IRF4: variants seen among roughly 807,000 people sequenced by gnomAD.
The protein encoded by IRF4 is lymphocyte-specific interferon regulatory factor.
In IRF4, 13 loss-of-function variants were observed where a neutral mutation model predicts 55.5. The ratio of observed to expected loss-of-function variants is 0.23; its 90% CI spans 0.15 to 0.37. The LOEUF (loss-of-function observed/expected upper bound fraction) is 0.37. Ranked by LOEUF, IRF4 falls within the 10% of genes least tolerant of loss-of-function variation. IRF4 has a pLI of 1.00. For missense variants in IRF4, 397 were observed against 593.8 expected (o/e 0.67, Z 3.44); for synonymous variants, 249 against 240.7 (o/e 1.03, Z -0.32).
chr6:406,878 A>T, intron 8 of IRF4: 9 of 1,067,742 alleles, frequency 8.4e-6, no homozygotes, highest in Non-Finnish European at 1.0e-5. Flanking sequence ...AAAGCTGAAC[A>T]TTAAGGCGTT....
At chr6:404,652 C>T (rs539448722) in intron 7 of IRF4, among the ~76,000 whole-genome samples, 2 of 152,352 alleles carry the variant, frequency 1.3e-5, no homozygotes, top group African/African-American at 4.8e-5. Context: ...TTGTCCATGG[C>T]ATAAATTGGT....
chr6:392,964 C>G, intron 1 of IRF4, 134 bp from the exon 2 acceptor site: 1 of 526,394 alleles, frequency 1.9e-6, no homozygotes, highest in South Asian at 3.0e-5. Flanking sequence ...GGGGCCCGGA[C>G]GACCCTGACA....
Position 393,136 on chromosome 6 carries a change from C to A in IRF4, c.-17C>A. ...GGGCGGAGGACCCCGGGCGCGGGCGCGGACGGCACGCGGGGCATGAACCTG... is the reference window on the plus strand; with the variant it reads ...GGGCGGAGGACCCCGGGCGCGGGCGAGGACGGCACGCGGGGCATGAACCTG... On this transcript the variant is annotated 5_prime_UTR_variant, in exon 2 of 9. Transcript: ENST00000380956. This position sits in a 1 kb window ranked among gnomAD's most constrained non-coding sequence, Gnocchi z 5.4. The A allele has an allele frequency of 6.5e-7, 1 of 1,545,802 alleles. No individual in the cohort carries two copies. The highest frequency in any genetic ancestry group is 1.2e-5 in the South Asian group (1 of 83,674).
chr6:394,791 C>T (rs768584121), intron 2 of IRF4, 30 bp from the exon 3 acceptor site: 151 of 1,594,814 alleles, frequency 9.5e-5, no homozygotes, highest in Admixed American at 1.2e-4. Context: ...TGTATTTTGA[C>T]TTTTCGTTCT....
At chr6:394,721 C>T in intron 2 of IRF4, 100 bp from the exon 3 acceptor site, 1 of 1,162,616 alleles carries the variant, frequency 8.6e-7, no homozygotes, top group Non-Finnish European at 1.2e-6. Context: ...TGCCACTGTA[C>T]TCTAGCCTGG....
chr6:397,036 C>A, intron 4 of IRF4, 72 bp from the exon 5 acceptor site: 2 of 1,488,824 alleles, frequency 1.3e-6, no homozygotes, highest in South Asian at 1.3e-5. Context: ...CCTATCTCAG[C>A]CTCTCCTGCA....
At chr6:402,904 C>T (rs927193966) in intron 7 of IRF4, among the ~76,000 whole-genome samples, 5 of 152,170 alleles carry the variant, frequency 3.3e-5, no homozygotes, top group Non-Finnish European at 7.4e-5. Flanking sequence ...TGATGGTGGG[C>T]GCCTGTAATC....
intron 5 of IRF4, among the ~76,000 whole-genome samples, chr6:397,973 T>A (rs1761309090): frequency 6.6e-6 from 1 of 152,210 alleles, no homozygotes; most frequent in Non-Finnish European, 1.5e-5. Context: ...AATTTGGCCT[T>A]TTTTTCCCCA....
intron 7 of IRF4, 151 bp downstream of exon 7, chr6:401,928 A>T (rs1761413426): frequency 7.8e-6 from 5 of 641,790 alleles, no homozygotes; most frequent in African/African-American, 1.8e-5. Flanking sequence ...TCCAGTAGAG[A>T]TCTTCTGTCT....
intron 6 of IRF4, among the ~76,000 whole-genome samples, 175 bp downstream of exon 6, chr6:399,110 A>G (rs370443703): frequency 2.0e-4 from 31 of 152,220 alleles, no homozygotes; most frequent in African/African-American, 7.0e-4. Context: ...TAGGAGCACC[A>G]TTAGAAAACC....
Position 397,526 on chromosome 6 carries a change from C to G in IRF4, c.637+274C>G, listed in dbSNP as rs778038696. The G allele has an allele frequency of 2.6e-5, 10 of 382,472 alleles. No individual in the cohort carries two copies. The East Asian group carries it at 3.0e-4, about 11-fold the overall frequency. The allele number at this position is 382,472 out of a possible 1,614,324, so 23.7% of individuals were successfully genotyped here. ...CTCCAGGCAGTGGAAAACAGCCCCC[C>G]ACTTTTTATATAGAGAGGAGATTGT... On this transcript the variant is annotated intron_variant, in intron 5 of 8. Transcript: ENST00000380956.
At chr6:401,006 G>T (rs527796726) in intron 6 of IRF4, among the ~76,000 whole-genome samples, 1 of 152,262 alleles carries the variant, frequency 6.6e-6, no homozygotes, top group East Asian at 1.9e-4. Context: ...TGACTTAAAT[G>T]ACATCACCAC....
At position 407,523 on chromosome 6, in the gene IRF4, C is replaced by G; in HGVS notation, c.1281C>G (p.Gly427=). 6.2e-7 allele frequency: 1 copy of G among 1,612,840 alleles called. No homozygotes were observed. The highest frequency in any genetic ancestry group is 1.1e-5 in the South Asian group (1 of 90,900). Residue 427 remains glycine (G), a synonymous_variant, in exon 9 of 9, where the codon GGC becomes GGG. Transcript: ENST00000380956. ...AQQNSGHFLR[G]YDLPEHISNP... ...AAAACAGTGGACATTTCCTGAGGGG[C>G]TACGATTTACCAGAACACATCAGCA...
chr6:392,318 C>A (rs1372899510), intron 1 of IRF4, among the ~76,000 whole-genome samples: 2 of 152,244 alleles, frequency 1.3e-5, no homozygotes, highest in Non-Finnish European at 2.9e-5. Flanking sequence ...TCGCTCCGAG[C>A]CTTGCGTGCG....
rs1761644627 is a variant in IRF4, at chr6:409,783, A to G, written c.*2185A>G. On this transcript the variant is annotated 3_prime_UTR_variant, in exon 9 of 9. Transcript: ENST00000380956. ...TGAAGAATATTTAACCCCACACAGC[A>G]CTTCAAAGAAGCTGTCTTGGAAGTC... 1 of 229,000 alleles carries G rather than the reference A, an allele frequency of 4.4e-6. No homozygotes were observed. Among genetic ancestry groups the G allele is most frequent in the Non-Finnish European group, 8.7e-6 (1 of 115,494 alleles). The allele number at this position is 229,000 out of a possible 1,614,324, so 14.2% of individuals were successfully genotyped here. A position where few individuals can be genotyped will look rare whatever the true frequency, so the allele number is the denominator to read the frequency against.
intron 1 of IRF4, 130 bp from the exon 2 acceptor site, chr6:392,968 C>T (rs1319525834): frequency 1.6e-5 from 9 of 565,428 alleles, no homozygotes; most frequent in Non-Finnish European, 2.7e-5. Context: ...CCCGGACGAC[C>T]CTGACACGGC....
At chr6:406,679 C>A in intron 8 of IRF4, 1 of 519,874 alleles carries the variant, frequency 1.9e-6, no homozygotes, top group Non-Finnish European at 2.7e-6. Context: ...ATGCTGAAGA[C>A]GAGGCTGCGT....
intron 8 of IRF4, among the ~76,000 whole-genome samples, chr6:405,816 A>G (rs554351178): frequency 2.0e-5 from 3 of 152,336 alleles, no homozygotes; most frequent in Non-Finnish European, 2.9e-5. Flanking sequence ...AGGTTTCCAT[A>G]GATAACATGA....
chr6:397,524 C>T (rs758545794), intron 5 of IRF4: 70 of 384,490 alleles, frequency 1.8e-4, no homozygotes, highest in Admixed American at 4.3e-5. Flanking sequence ...AAAACAGCCC[C>T]CCACTTTTTA....
Sources: allele counts gnomAD v4.1 joint callset (sites outside exome capture counted in the v4.1 genomes callset), GRCh38; gene constraint gnomAD v4.1.1; non-coding constraint Gnocchi (gnomAD v3.1); transcripts MANE v1.5; gene names NCBI Gene and HGNC (gene_info 2026-07-23, HGNC 2026-07-21).